Variants in CAPN6 observed in about 807,000 individuals in gnomAD.
CAPN6 encodes calpain-6.
A neutral mutation model predicts 46.0 loss-of-function variants in CAPN6; 16 were observed. The ratio of observed to expected loss-of-function variants is 0.35; its 90% confidence interval spans 0.24 to 0.53. The LOEUF (loss-of-function observed/expected upper bound fraction) is 0.53, where lower values mean the gene tolerates loss of function less well. Among genes scored for constraint, CAPN6 ranks in the 20% least tolerant of loss-of-function variants. The pLI is 0.94. For synonymous variants in CAPN6, 206 were observed against 172.8 expected (o/e 1.19, Z -1.51); for missense variants, 461 against 498.0 (o/e 0.93, Z 0.71).
chrX:111,253,926 C>T (rs993804127), intron 3 of CAPN6, among the ~76,000 whole-genome samples: 2 of 111,693 alleles, frequency 1.8e-5, no homozygotes, highest in Non-Finnish European at 3.8e-5. Flanking sequence ...CTGGCTTCTA[C>T]TGACTTTATA....
At chrX:111,254,060 G>A (rs768940269) in intron 3 of CAPN6, among the ~76,000 whole-genome samples, 1 of 112,166 alleles carries the variant, frequency 8.9e-6, no homozygotes, top group Admixed American at 9.5e-5. Context: ...GTAGAATCTA[G>A]GTGGGTATAT....
rs746674516 is a variant in CAPN6 at position 111,245,974 on chromosome X, G to C, written c.*603C>G. 8.8e-6 allele frequency: 1 copy of C among 113,452 alleles called. No individual in the cohort carries two copies. The highest frequency in any genetic ancestry group is 9.4e-5 in the Admixed American group (1 of 10,593). 9.3% of individuals were successfully genotyped at this position (113,452 alleles called of 1,213,427 possible). A position where few individuals can be genotyped will look rare whatever the true frequency, so the allele number is the denominator to read the frequency against. On this transcript the variant is annotated 3_prime_UTR_variant, in exon 13 of 13. Coordinates refer to ENST00000324068, the MANE Select transcript of CAPN6 (RefSeq NM_014289.4). ...CAACATGAAGGTAAAATTTACTGTC[G>C]GGGGTGACTTGGGTTAGGGCAGGAC...
chrX:111,251,323 A>T, intron 6 of CAPN6, 37 bp from the exon 7 acceptor site: 1 of 1,135,580 alleles, frequency 8.8e-7, no homozygotes, highest in South Asian at 1.9e-5. Context: ...AAGATAAATC[A>T]TTATGTTTGC....
chrX:111,264,937 T>A (rs1004011558), intron 1 of CAPN6, among the ~76,000 whole-genome samples: 1 of 111,836 alleles, frequency 8.9e-6, no homozygotes, highest in African/African-American at 3.2e-5. Context: ...ATTTTAATGA[T>A]CCTCTCCTGG....
intron 1 of CAPN6, among the ~76,000 whole-genome samples, chrX:111,267,915 C>A (rs1477176532): frequency 8.9e-6 from 1 of 112,444 alleles, no homozygotes; most frequent in East Asian, 2.8e-4. Context: ...CATCCCTTAT[C>A]CCCACACCTG....
chrX:111,263,335 T>C (rs1176960413), intron 2 of CAPN6, among the ~76,000 whole-genome samples: 4 of 111,964 alleles, frequency 3.6e-5, no homozygotes, highest in Non-Finnish European at 7.5e-5. Context: ...ACACCTTGAA[T>C]GGATCTTAGA....
chrX:111,247,174 G>A (rs2094975182), intron 12 of CAPN6, among the ~76,000 whole-genome samples, 194 bp downstream of exon 12: 1 of 111,943 alleles, frequency 8.9e-6, no homozygotes, highest in South Asian at 3.7e-4. Context: ...ATAAATGGAA[G>A]AGAGGAGATT....
intron 8 of CAPN6, among the ~76,000 whole-genome samples, chrX:111,249,610 C>T (rs752487525): frequency 1.8e-5 from 2 of 110,413 alleles, no homozygotes; most frequent in African/African-American, 3.3e-5. Flanking sequence ...TGGGGAATCA[C>T]GGTGCTATTA....
At chrX:111,246,853 G>T in intron 12 of CAPN6, 94 bp from the exon 13 acceptor site, 1 of 764,905 alleles carries the variant, frequency 1.3e-6, no homozygotes, top group Non-Finnish European at 1.9e-6. Flanking sequence ...AGCTTCAAAA[G>T]ATTTGTTTTA....
chrX:111,268,057 G>A (rs369355503), intron 1 of CAPN6, among the ~76,000 whole-genome samples: 2 of 111,586 alleles, frequency 1.8e-5, no homozygotes, highest in African/African-American at 3.3e-5. Context: ...ACATGGGCAC[G>A]CATTTAACCA....
rs1485540009 is a variant in CAPN6, at chrX:111,248,585, C to A, written c.1468G>T (p.Val490Leu). The A allele has an allele frequency of 2.5e-6, 3 of 1,208,797 alleles. No individual in the cohort carries two copies. In the Admixed American group the frequency reaches 6.5e-5, roughly 26 times the overall value. Residue 490 changes from valine to leucine, a missense_variant, in exon 10 of 13, where the codon GTG becomes TTG. Physicochemically the swap from Val to Leu is conservative, Grantham distance 32. Transcript: ENST00000324068. ...AAACTGAACCTGAGCTGGACAGGCA[C>A]TTCAGAGAAGATTCTCAGGAGAAAC... ...SEFLLRIFSEVPVQLRELTLD... is the reference protein window; with the variant it reads ...SEFLLRIFSELPVQLRELTLD...
chrX:111,251,513 T>G (rs1354901982), intron 6 of CAPN6, 36 bp downstream of exon 6: 1 of 1,111,372 alleles, frequency 9.0e-7, no homozygotes, highest in Non-Finnish European at 1.2e-6. Context: ...CTACAGGGCT[T>G]TGGAGATGTA....
In CAPN6 at chrX:111,248,674, T is replaced by G. The variant is rs372641764; in HGVS notation, c.1379A>C (p.Lys460Thr). The G allele has an allele frequency of 1.7e-6, 2 of 1,210,326 alleles. No homozygotes were observed. Among genetic ancestry groups the G allele is most frequent in the East Asian group, 3.0e-5 (1 of 33,845 alleles). ...YIDTRTVFLS[K>T]YLKKGNYVLV... Reference sequence around the variant, plus strand: ...CACATAGTTGCCCTTCTTCAGGTACTTGCTCAGAAACACTGTGCGGGTGTC... The same window carrying G: ...CACATAGTTGCCCTTCTTCAGGTACGTGCTCAGAAACACTGTGCGGGTGTC... Residue 460 changes from lysine (K) to threonine (T), a missense_variant, in exon 10 of 13, where the codon AAG becomes ACG. By Grantham distance (78) the Lys-to-Thr change is moderately conservative. Coordinates refer to ENST00000324068, the MANE Select transcript of CAPN6 (RefSeq NM_014289.4).
chrX:111,258,425 G>T (rs1046969897), intron 2 of CAPN6, among the ~76,000 whole-genome samples: 12 of 111,795 alleles, frequency 1.1e-4, no homozygotes, highest in African/African-American at 3.9e-4. Context: ...GTCCCAGAAA[G>T]CTCAGGGGCT....
chrX:111,249,133 A>G (rs2094977050), intron 8 of CAPN6, 76 bp from the exon 9 acceptor site: 3 of 1,079,922 alleles, frequency 2.8e-6, no homozygotes, highest in Admixed American at 4.8e-5. Context: ...TCAGGGAATA[A>G]AGCTTGTCAT....
chrX:111,252,699 C>T (rs1404737535), intron 4 of CAPN6, among the ~76,000 whole-genome samples, 200 bp from the exon 5 acceptor site: 3 of 112,148 alleles, frequency 2.7e-5, no homozygotes, highest in Non-Finnish European at 1.9e-5. Flanking sequence ...TATGCAGAAA[C>T]TTCTTTCTAC....
intron 1 of CAPN6, among the ~76,000 whole-genome samples, chrX:111,265,941 T>G (rs1035901641): frequency 9.0e-6 from 1 of 111,158 alleles, no homozygotes; most frequent in African/African-American, 3.3e-5. Flanking sequence ...AAAATCAGGT[T>G]TGATTTTTAA....
At chrX:111,255,088 G>A (rs973992582) in intron 2 of CAPN6, among the ~76,000 whole-genome samples, 7 of 111,727 alleles carry the variant, frequency 6.3e-5, no homozygotes, top group African/African-American at 2.0e-4. Context: ...CAGAGTGGGG[G>A]CAGTATTTGT....
At position 111,246,546 on chromosome X, in the gene CAPN6, C is replaced by G. The variant is rs756062996; in HGVS notation, c.*31G>C. 8.6e-7 allele frequency: 1 copy of G among 1,164,617 alleles called. No individual in the cohort carries two copies. ...CCTGACGGAAAATAAAAGGGTGGCA[C>G]GCTTTGTCAGGATTCTCTGGGATTG... On this transcript the variant is annotated 3_prime_UTR_variant, in exon 13 of 13. Coordinates refer to ENST00000324068, the MANE Select transcript of CAPN6 (RefSeq NM_014289.4).
Sources: allele counts gnomAD v4.1 joint callset (sites outside exome capture counted in the v4.1 genomes callset), GRCh38; gene constraint gnomAD v4.1.1; transcripts MANE v1.5; gene names NCBI Gene and HGNC (gene_info 2026-07-23, HGNC 2026-07-21).